SVIL: variants seen among roughly 807,000 people sequenced by gnomAD.
SVIL encodes the protein archvillin.
A neutral mutation model predicts 240.4 loss-of-function variants in SVIL; 101 were observed. That is an observed-to-expected ratio of 0.42 (90% CI 0.36 to 0.50). SVIL has a LOEUF of 0.50. Among genes scored for constraint, SVIL ranks in the 20% least tolerant of loss-of-function variants. The pLI is 0.01. For synonymous variants in SVIL, 999 were observed against 1,100.0 expected, an observed-to-expected ratio of 0.91 and a Z score of 1.82; for missense variants, 2,512 against 2,818.7, an observed-to-expected ratio of 0.89 and a Z score of 2.46.
intron 3 of SVIL, among the ~76,000 whole-genome samples, chr10:29,559,947 T>C (rs1318862888): frequency 2.0e-5 from 3 of 152,234 alleles, no homozygotes; most frequent in Non-Finnish European, 4.4e-5. Flanking sequence ...TTGGGAAACA[T>C]AGTTTCTTCC....
At chr10:29,648,004 G>GA (rs200774439) in intron 3 of SVIL, among the ~76,000 whole-genome samples, 6,547 of 114,404 alleles carry the variant, frequency 0.057, 213 homozygotes, top group East Asian at 0.18. Flanking sequence ...ATCATTACCA[G>GA]AAAAAAAAAA....
At chr10:29,605,996 C>T (rs770645137) in intron 1 of SVIL, among the ~76,000 whole-genome samples, 55 of 151,992 alleles carry the variant, frequency 3.6e-4, no homozygotes, top group Non-Finnish European at 6.9e-4. Flanking sequence ...CTGCAACCTC[C>T]GCCTCCTGGG....
At chr10:29,694,873 G>A (rs1432306510) in intron 1 of SVIL, among the ~76,000 whole-genome samples, 1 of 152,222 alleles carries the variant, frequency 6.6e-6, no homozygotes, top group African/African-American at 2.4e-5. Context: ...GACCTAAACA[G>A]CCCGAGGGAC....
Position 29,523,917 on chromosome 10 carries a change from A to G in SVIL, c.2697T>C (p.Pro899=), listed in dbSNP as rs763616093. The G allele has an allele frequency of 6.2e-7, 1 of 1,614,182 alleles. No homozygotes were observed. The highest frequency in any genetic ancestry group is 1.1e-5 in the South Asian group (1 of 91,086). The change falls in exon 15 of 38, where the codon CCT becomes CCC. Residue 899 remains proline (P), a synonymous_variant. Coordinates refer to ENST00000355867, the MANE Select transcript of SVIL (RefSeq NM_021738.3). ...MYAGDLRTKP[P]LDHNASATDY... ...CAGTGGCACTTGCATTGTGGTCAAG[A>G]GGTGGCTTTGTGCGAAGATCTCCGG...
intron 31 of SVIL, 45 bp downstream of exon 31, chr10:29,471,093 G>T: frequency 6.5e-7 from 1 of 1,545,024 alleles, no homozygotes; most frequent in Non-Finnish European, 8.8e-7. Context: ...TTCTTTCCAA[G>T]AGAGGGAAAG....
chr10:29,678,720 C>T (rs2132579633), intron 2 of SVIL, among the ~76,000 whole-genome samples: 1 of 152,296 alleles, frequency 6.6e-6, no homozygotes, highest in South Asian at 2.1e-4. Context: ...AAGCTTTTGT[C>T]CAAAATGAAA....
chr10:29,563,329 A>C, intron 2 of SVIL, 37 bp from the exon 3 acceptor site: 1 of 926,870 alleles, frequency 1.1e-6, no homozygotes, highest in Non-Finnish European at 1.3e-6. Context: ...AAGTCCATTT[A>C]AATAAAGATA....
intron 17 of SVIL, among the ~76,000 whole-genome samples, chr10:29,500,886 C>G (rs1211222720): frequency 6.6e-6 from 1 of 152,092 alleles, no homozygotes; most frequent in Non-Finnish European, 1.5e-5. Context: ...TCAGGAGGGA[C>G]AGGAAGAGAG....
intron 14 of SVIL, 24 bp from the exon 15 acceptor site, chr10:29,524,051 A>T (rs1950734931): frequency 1.9e-6 from 3 of 1,565,224 alleles, no homozygotes; most frequent in Non-Finnish European, 2.6e-6. Flanking sequence ...GTTAAAAATT[A>T]AAAAGCTGCT....
intron 1 of SVIL, among the ~76,000 whole-genome samples, chr10:29,703,910 T>C (rs1962704511): frequency 6.6e-6 from 1 of 152,094 alleles, no homozygotes. Context: ...CAAGTGATCC[T>C]CCAACCCCAG....
intron 1 of SVIL, among the ~76,000 whole-genome samples, chr10:29,589,440 A>T (rs969993117): frequency 1.3e-5 from 2 of 152,160 alleles, no homozygotes; most frequent in African/African-American, 4.8e-5. Flanking sequence ...TCCCCTTGCA[A>T]GTCCCCTGCA....
intron 28 of SVIL, 46 bp downstream of exon 28, chr10:29,481,538 G>A (rs1203264490): frequency 6.2e-7 from 1 of 1,607,568 alleles, no homozygotes; most frequent in Admixed American, 1.7e-5. Context: ...ACTTTTATTG[G>A]GACCCGAACC....
At chr10:29,607,692 T>A (rs939322425) in intron 1 of SVIL, among the ~76,000 whole-genome samples, 13 of 152,198 alleles carry the variant, frequency 8.5e-5, no homozygotes, top group African/African-American at 3.1e-4. Flanking sequence ...AATGCCAACG[T>A]CTTGCTCTCT....
At chr10:29,660,345 C>T (rs4749475) in intron 2 of SVIL, among the ~76,000 whole-genome samples, 74,617 of 151,940 alleles carry the variant, frequency 0.49, 18,436 homozygotes, top group Middle Eastern at 0.56. Flanking sequence ...GGTGGGGTGG[C>T]TCATACCTAT....
rs1947764189 is a variant in SVIL, at chr10:29,489,661, C to T, written c.4193-905G>A. ...CTCCCGGGGTTTAGTGATCCTCCCA[C>T]CTCAGCCTCCTGAGTAGCTGGGACC... On this transcript the variant is annotated intron_variant, in intron 22 of 37. Coordinates refer to ENST00000355867, the MANE Select transcript of SVIL (RefSeq NM_021738.3). 7.2e-5 allele frequency among the ~76,000 whole-genome samples: 11 copies of T among 152,250 alleles called. No individual in the cohort carries two copies. In the South Asian group the frequency reaches 2.1e-3, roughly 29 times the overall value.
chr10:29,487,324 G>A (rs776526933), intron 23 of SVIL, 25 bp from the exon 24 acceptor site: 34 of 1,613,520 alleles, frequency 2.1e-5, no homozygotes, highest in Admixed American at 6.7e-5. Flanking sequence ...GACAGTCACC[G>A]TCTTTCCAGA....
At chr10:29,623,548 A>G (rs1004316970) in intron 1 of SVIL, among the ~76,000 whole-genome samples, 6 of 152,196 alleles carry the variant, frequency 3.9e-5, no homozygotes, top group Admixed American at 1.3e-4. Context: ...CTTCATTTCT[A>G]TAGAAACACA....
chr10:29,559,253 A>T (rs945008192), intron 3 of SVIL, among the ~76,000 whole-genome samples: 1 of 151,988 alleles, frequency 6.6e-6, no homozygotes, highest in African/African-American at 2.4e-5. Context: ...TGTAAGAGAT[A>T]TCCTTCACAA....
intron 18 of SVIL, among the ~76,000 whole-genome samples, chr10:29,498,146 A>G (rs1217776684): frequency 1.4e-5 from 2 of 144,490 alleles, no homozygotes; most frequent in Non-Finnish European, 3.0e-5. Flanking sequence ...GGCTGGGCAC[A>G]GTGGTTCACG....
Sources: allele counts gnomAD v4.1 joint callset (sites outside exome capture counted in the v4.1 genomes callset), GRCh38; gene constraint gnomAD v4.1.1; transcripts MANE v1.5; gene names NCBI Gene and HGNC (gene_info 2026-07-23, HGNC 2026-07-21).